COL24A1: variants seen among roughly 807,000 people sequenced by gnomAD.
COL24A1 encodes collagen alpha-1(XXIV) chain.
A neutral mutation model predicts 253.9 loss-of-function variants in COL24A1; 224 were observed. The ratio of observed to expected loss-of-function variants is 0.88; its 90% CI spans 0.79 to 0.99. The LOEUF (loss-of-function observed/expected upper bound fraction) is 0.99, where lower values mean the gene tolerates loss of function less well. Among genes scored for constraint, COL24A1 ranks in the 50% least tolerant of loss-of-function variants. The pLI, the probability that COL24A1 is intolerant of heterozygous loss-of-function variation, is 0.00. For synonymous variants in COL24A1, 685 were observed against 673.7 expected (o/e 1.02, Z -0.26); for missense variants, 2,131 against 2,068.5 (o/e 1.03, Z -0.59).
intron 20 of COL24A1, among the ~76,000 whole-genome samples, chr1:85,974,595 C>T (rs941766342): frequency 9.2e-5 from 14 of 152,010 alleles, no homozygotes; most frequent in African/African-American, 3.4e-4. Context: ...AACAAAAGAA[C>T]ATTTACCTCT....
At chr1:85,821,542 C>G (rs1558252054) in intron 45 of COL24A1, among the ~76,000 whole-genome samples, 1 of 152,134 alleles carries the variant, frequency 6.6e-6, no homozygotes, top group Non-Finnish European at 1.5e-5. Context: ...AGCAATTGGA[C>G]AGGACCCATC....
At chr1:85,991,789 A>G (rs4912454) in intron 19 of COL24A1, among the ~76,000 whole-genome samples, 70,927 of 151,950 alleles carry the variant, frequency 0.47, 16,946 homozygotes, top group East Asian at 0.61. Context: ...CTCATAGTAT[A>G]GTCATACAAG....
At chr1:85,856,077 T>C (rs1289729337) in intron 37 of COL24A1, among the ~76,000 whole-genome samples, 1 of 152,158 alleles carries the variant, frequency 6.6e-6, no homozygotes, top group African/African-American at 2.4e-5. Context: ...ATTTGGATCA[T>C]CTCCCTGCCT....
intron 24 of COL24A1, among the ~76,000 whole-genome samples, chr1:85,952,488 G>A (rs1330416958): frequency 2.0e-5 from 3 of 152,212 alleles, no homozygotes; most frequent in Non-Finnish European, 4.4e-5. Context: ...GAGAGTAAGA[G>A]TTGAAGAAAT....
intron 22 of COL24A1, among the ~76,000 whole-genome samples, chr1:85,967,638 G>T (rs1405659729): frequency 6.6e-6 from 1 of 152,132 alleles, no homozygotes; most frequent in Non-Finnish European, 1.5e-5. Context: ...CTGGGGGAGA[G>T]CAAGTCCACA....
chr1:86,106,001 A>G (rs1251691231), intron 5 of COL24A1, among the ~76,000 whole-genome samples: 8 of 152,104 alleles, frequency 5.3e-5, no homozygotes, highest in African/African-American at 1.9e-4. Flanking sequence ...TGTGCCAGTC[A>G]TCCCGATCTT....
chr1:85,823,836 G>T (rs1673917141), intron 43 of COL24A1, 98 bp from the exon 44 acceptor site: 2 of 1,069,380 alleles, frequency 1.9e-6, no homozygotes, highest in Non-Finnish European at 2.8e-6. Flanking sequence ...GTGTTGCAAA[G>T]CTCAACTTAA....
At chr1:86,154,687 T>A (rs187881472) in intron 1 of COL24A1, 12 of 152,822 alleles carry the variant, frequency 7.9e-5, no homozygotes, top group African/African-American at 2.9e-4. Context: ...CAGGAGCAGA[T>A]CTGCTTTAAC....
At chr1:85,893,301 A>G (rs892881077) in intron 31 of COL24A1, among the ~76,000 whole-genome samples, 4 of 152,160 alleles carry the variant, frequency 2.6e-5, no homozygotes, top group African/African-American at 9.6e-5. Flanking sequence ...TTTTTAACAA[A>G]AAAAGGATCA....
In COL24A1 at chr1:85,744,652, A is replaced by T. The variant is rs778062137; in HGVS notation, c.4672+14T>A. 2 of 1,589,692 alleles carry T rather than the reference A, an allele frequency of 1.3e-6. No individual in the cohort carries two copies. The highest frequency in any genetic ancestry group is 3.5e-5 in the Admixed American group (2 of 57,928). On this transcript the variant is annotated intron_variant, in intron 57 of 59. Transcript: ENST00000370571. ...GAAATTCACTATCAGAGTTTGAGGT[A>T]ACCAAGAACTTACCATCTGATACTT...
At chr1:85,961,454 C>A (rs965203951) in intron 23 of COL24A1, among the ~76,000 whole-genome samples, 161 bp from the exon 24 acceptor site, 1 of 152,048 alleles carries the variant, frequency 6.6e-6, no homozygotes, top group Admixed American at 6.6e-5. Context: ...TGGAGCAAAC[C>A]ACCATGGCAC....
chr1:85,772,439 C>T (rs2101350880), intron 53 of COL24A1, among the ~76,000 whole-genome samples: 1 of 152,098 alleles, frequency 6.6e-6, no homozygotes, highest in South Asian at 2.1e-4. Flanking sequence ...CCATTTGACC[C>T]AGCCATCCCA....
intron 28 of COL24A1, among the ~76,000 whole-genome samples, chr1:85,905,128 G>A (rs1380854904): frequency 6.6e-6 from 1 of 152,100 alleles, no homozygotes; most frequent in Non-Finnish European, 1.5e-5. Flanking sequence ...TTAGGGCAGA[G>A]CTTCCCTCCA....
intron 24 of COL24A1, among the ~76,000 whole-genome samples, chr1:85,923,724 A>C (rs565411462): frequency 1.4e-4 from 22 of 152,338 alleles, no homozygotes; most frequent in Non-Finnish European, 2.4e-4. Flanking sequence ...AGCAGGAAAG[A>C]TCTAAAATTA....
intron 52 of COL24A1, 48 bp downstream of exon 52, chr1:85,781,172 A>C (rs757737716): frequency 3.7e-6 from 5 of 1,355,080 alleles, no homozygotes; most frequent in Non-Finnish European, 5.1e-6. Context: ...TAGAAATAGA[A>C]TTAAAGAAAA....
chr1:85,941,630 T>A (rs79656845), intron 24 of COL24A1, among the ~76,000 whole-genome samples: 70 of 123,142 alleles, frequency 5.7e-4, no homozygotes, highest in African/African-American at 9.4e-4. Context: ...TACTTTTTTT[T>A]AAAAAAATGG....
rs760210560 is a variant in COL24A1 at position 86,124,975 on chromosome 1, T to C, written c.1361A>G (p.Tyr454Cys). The C allele has an allele frequency of 6.2e-7, 1 of 1,613,270 alleles. No homozygotes were observed. Among genetic ancestry groups the C allele is most frequent in the Non-Finnish European group, 8.5e-7 (1 of 1,179,674 alleles). ...TTCGATGGGATAAGTAGCATCAGGA[T>C]AAAATTCACCTTCTTTCCTTAGATC... ...HLDLRKEGEF[Y>C]PDATYPIENS... Residue 454 changes from tyrosine to cysteine, a missense_variant, in exon 3 of 60, where the codon TAT becomes TGT. Physicochemically the swap from Tyr to Cys is radical, Grantham distance 194. Coordinates refer to ENST00000370571, the MANE Select transcript of COL24A1 (RefSeq NM_152890.7).
At chr1:86,053,454 C>T (rs1203969248) in intron 10 of COL24A1, among the ~76,000 whole-genome samples, 1 of 151,982 alleles carries the variant, frequency 6.6e-6, no homozygotes, top group Non-Finnish European at 1.5e-5. Flanking sequence ...CTGATTCTAA[C>T]AGAAATAAGA....
In COL24A1 at chr1:85,951,036, T is replaced by C. The variant is rs540034191; in HGVS notation, c.2562+10213A>G. 1.2e-4 allele frequency among the ~76,000 whole-genome samples: 18 copies of C among 152,332 alleles called. No individual in the cohort carries two copies. In the East Asian group the frequency reaches 1.7e-3, roughly 15 times the overall value. ...TTGTTCCCATTGAAATGTCCTTCCT[T>C]ATTCCGACTGCTTCACAAGAATCTG... On this transcript the variant is annotated intron_variant, in intron 24 of 59. Coordinates refer to ENST00000370571, the MANE Select transcript of COL24A1 (RefSeq NM_152890.7).
Sources: gnomAD v4.1 joint callset for allele counts (sites outside exome capture counted in the v4.1 genomes callset) on GRCh38, gnomAD v4.1.1 for gene constraint, MANE v1.5 for transcripts, NCBI Gene and HGNC (gene_info 2026-07-23, HGNC 2026-07-21) for gene names.